C22orf31: variants seen among roughly 807,000 people sequenced by gnomAD.
C22orf31 encodes chromosome 22 open reading frame 31.
In C22orf31, 11 loss-of-function variants were observed where a neutral mutation model predicts 15.0. The observed-to-expected ratio is 0.73, with a 90% confidence interval of 0.46 to 1.21. The LOEUF is 1.21. C22orf31 is among the 50% of genes most tolerant of loss of function. C22orf31 has a pLI of 0.00. For synonymous variants in C22orf31, 132 were observed against 133.3 expected (o/e 0.99, Z 0.07); for missense variants, 340 against 347.2 (o/e 0.98, Z 0.17).
Position 29,058,757 on chromosome 22 carries a change from T to C in C22orf31, c.858A>G (p.Leu286=), listed in dbSNP as rs1196864358. ...GTTCTTGTTCCTATTTTTTGCTCTT[T>C]AACTTGGGCCATTTCTTGAGTACAG... ...EEPVLKKWPK[L]KSKK Residue 286 remains leucine (L), a synonymous_variant, in exon 3 of 3, where the codon TTA becomes TTG. Transcript: ENST00000216071. The C allele has an allele frequency of 3.1e-6, 5 of 1,608,894 alleles. No homozygotes were observed. The highest frequency in any genetic ancestry group is 1.7e-5 in the Admixed American group (1 of 58,526).
At chr22:29,071,682 T>C in the C22orf31 span, among the ~76,000 whole-genome samples, 9 of 151,590 alleles carry the variant, frequency 5.9e-5, no homozygotes, top group Admixed American at 5.9e-4. Flanking sequence ...TGTAGGAAAA[T>C]CCCCTCTGCC....
chr22:29,060,576 G>C lies in C22orf31; in HGVS notation c.271C>G (p.Pro91Ala). 1 of 1,614,126 alleles carries C rather than the reference G, an allele frequency of 6.2e-7. No individual in the cohort carries two copies. Among genetic ancestry groups the C allele is most frequent in the Non-Finnish European group, 8.5e-7 (1 of 1,180,036 alleles). Reference protein sequence around the residue: ...LRRQLKNKCCPPPCKFGEGKL... With the variant: ...LRRQLKNKCCAPPCKFGEGKL... ...CCTTCTCCAAACTTGCATGGTGGTG[G>C]GCAGCACTTATTCTTCAGTTGCCGC... is the stretch of plus-strand genomic sequence containing the variant. Residue 91 changes from proline to alanine, a missense_variant, in exon 2 of 3, where the codon CCA becomes GCA. Physicochemically the swap from Pro to Ala is conservative, Grantham distance 27. Transcript: ENST00000216071.
At chr22:29,060,311 G>A in intron 2 of C22orf31, 104 bp downstream of exon 2, 2 of 1,106,564 alleles carry the variant, frequency 1.8e-6, no homozygotes, top group Non-Finnish European at 1.3e-6. Flanking sequence ...GAGATTATAG[G>A]CGGTAGCCGC....
chr22:29,064,721 T>G (rs2037417969), upstream of C22orf31, among the ~76,000 whole-genome samples: 1 of 125,030 alleles, frequency 8.0e-6, no homozygotes, highest in South Asian at 2.8e-4. Context: ...TTTTTTTTTT[T>G]GTAGAGATGA....
intron 2 of C22orf31, chr22:29,060,021 C>CTTTTTTTTTTTTTTTTTTT (rs60208241): frequency 1.4e-5 from 7 of 513,144 alleles, no homozygotes; most frequent in African/African-American, 2.7e-5. Context: ...TTTTTCTTTT[C>CTTTTTTTTTTTTTTTTTTT]TTTTTTTTTT....
the C22orf31 span, among the ~76,000 whole-genome samples, chr22:29,070,008 C>T: frequency 1.8e-4 from 26 of 145,764 alleles, no homozygotes; most frequent in African/African-American, 5.9e-4. Context: ...TGCAGTGGCA[C>T]GATCTTGGCT....
chr22:29,068,214 TGAC>T, the C22orf31 span, among the ~76,000 whole-genome samples: 1 of 151,478 alleles, frequency 6.6e-6, no homozygotes, highest in Non-Finnish European at 1.5e-5. Context: ...CCCAAGTAGC[TGAC>T]ATTATAGGCG....
chr22:29,066,539 C>CTTTTTTTT (rs134565), upstream of C22orf31, among the ~76,000 whole-genome samples: 89 of 70,222 alleles, frequency 1.3e-3, 6 homozygotes, highest in Non-Finnish European at 1.5e-3. Flanking sequence ...CTTTTCTTTT[C>CTTTTTTTT]TTTTTTTTTT....
In C22orf31 at chr22:29,060,410, T is replaced by G. The variant is rs373611163; in HGVS notation, c.432+5A>C. 2.2e-5 allele frequency: 36 copies of G among 1,607,980 alleles called. No individual in the cohort carries two copies. The highest frequency in any genetic ancestry group is 2.9e-5 in the Non-Finnish European group (34 of 1,177,800). ...ACATTTTCCCCACCACTGGTCCTCG[T>G]CTACCTCTCTGATGCCTCCTGCAGG... On this transcript the variant is annotated splice_donor_5th_base_variant and intron_variant, in intron 2 of 2. Transcript: ENST00000216071.
At position 29,060,841 on chromosome 22, in the gene C22orf31, G is replaced by A. The variant is rs765555478; in HGVS notation, c.6C>T (p.His2=). Residue 2 remains histidine (H), a splice_region_variant and synonymous_variant, in exon 2 of 3, where the codon CAC becomes CAT. Coordinates refer to ENST00000216071, the MANE Select transcript of C22orf31 (RefSeq NM_015370.2). M[H]PINVRRDPSI... ...TGGGGTCTCGTCTCACATTGATTGG[G>A]TGCTAGAATTATAAGGAGGGAGAAA... is the stretch of plus-strand genomic sequence containing the variant. 3 of 1,608,340 alleles carry A rather than the reference G, an allele frequency of 1.9e-6. No homozygotes were observed. Among genetic ancestry groups the A allele is most frequent in the Non-Finnish European group, 2.6e-6 (3 of 1,176,208 alleles).
intron 2 of C22orf31, chr22:29,059,974 T>A (rs2037366354): frequency 2.0e-6 from 2 of 984,450 alleles, no homozygotes; most frequent in Admixed American, 6.2e-5. Flanking sequence ...ACATTCTGTC[T>A]TCAACTTTAG....
chr22:29,059,205 A>C lies in C22orf31; in HGVS notation c.433-23T>G, dbSNP rs747175576. The C allele has an allele frequency of 3.2e-6, 5 of 1,543,546 alleles. No homozygotes were observed. In the African/African-American group the frequency reaches 6.9e-5, roughly 21 times the overall value. On this transcript the variant is annotated intron_variant, in intron 2 of 2. Transcript: ENST00000216071. The stretch of plus-strand genomic sequence containing the variant: ...ACTCTAGCCAGGAAGAAAGCAGAGA[A>C]GTCAAAGCTAAAACTTGAGAGGGGA...
At chr22:29,068,894 A>G in the C22orf31 span, among the ~76,000 whole-genome samples, 8 of 149,042 alleles carry the variant, frequency 5.4e-5, no homozygotes, top group East Asian at 1.4e-3. Context: ...TCTCCCAAGT[A>G]CCTGAGACTA....
chr22:29,071,594 G>T, the C22orf31 span, among the ~76,000 whole-genome samples: 10 of 151,974 alleles, frequency 6.6e-5, no homozygotes, highest in Non-Finnish European at 7.4e-5. Flanking sequence ...GCAAGCCCGG[G>T]ACCAGGGACT....
intron 1 of C22orf31, among the ~76,000 whole-genome samples, chr22:29,061,417 C>T (rs2037390473): frequency 6.6e-6 from 1 of 152,108 alleles, no homozygotes; most frequent in African/African-American, 2.4e-5. Flanking sequence ...CAGGCATGCA[C>T]CACCGCACCC....
chr22:29,063,399 C>T (rs184066726), upstream of C22orf31, among the ~76,000 whole-genome samples: 29 of 152,324 alleles, frequency 1.9e-4, 1 homozygote, highest in Admixed American at 1.0e-3. Context: ...CTCCTGGCCT[C>T]AAGTGATCCA....
chr22:29,070,862 A>C, the C22orf31 span, among the ~76,000 whole-genome samples: 1 of 152,090 alleles, frequency 6.6e-6, no homozygotes, highest in Admixed American at 6.5e-5. Context: ...TTTCAGGTTG[A>C]CTAGAATGTA....
At chr22:29,067,177 T>G in the C22orf31 span, among the ~76,000 whole-genome samples, 13 of 152,176 alleles carry the variant, frequency 8.5e-5, no homozygotes, top group African/African-American at 3.1e-4. Context: ...CATTTAGATG[T>G]TAAAAAATTA....
At chr22:29,060,091 G>T in intron 2 of C22orf31, 2 of 502,718 alleles carry the variant, frequency 4.0e-6, no homozygotes, top group Non-Finnish European at 5.0e-6. Flanking sequence ...GAATGCAGTA[G>T]TGCAATCATG....
Sources: allele counts gnomAD v4.1 joint callset (sites outside exome capture counted in the v4.1 genomes callset), GRCh38; gene constraint gnomAD v4.1.1; transcripts MANE v1.5; gene names NCBI Gene and HGNC (gene_info 2026-07-23, HGNC 2026-07-21).